The following TCP11L2 variants were observed in gnomAD, a reference collection of about 807,000 sequenced individuals.
The protein encoded by TCP11L2 is T-complex protein 11-like protein 2.
TCP11L2 carries 39 observed loss-of-function variants against 50.7 expected under a neutral mutation model. The ratio of observed to expected loss-of-function variants is 0.77; its 90% CI spans 0.60 to 1.01. The LOEUF (loss-of-function observed/expected upper bound fraction) is 1.01. Ranked by LOEUF, TCP11L2 falls within the 50% of genes least tolerant of loss-of-function variation. The probability of loss-of-function intolerance (pLI) is 0.00; values close to 1 mark genes in which losing one functional copy is unlikely to be tolerated. For synonymous variants in TCP11L2, 192 were observed against 219.3 expected, an observed-to-expected ratio of 0.88 and a Z score of 1.10; for missense variants, 612 against 614.7, an observed-to-expected ratio of 1.00 and a Z score of 0.05.
intron 2 of TCP11L2, among the ~76,000 whole-genome samples, chr12:106,314,011 C>T (rs1266036327): frequency 6.6e-6 from 1 of 152,120 alleles, no homozygotes; most frequent in Non-Finnish European, 1.5e-5. Context: ...CATGATCTAC[C>T]TGCCTCGGCC....
Position 106,311,084 on chromosome 12 carries a change from C to A in TCP11L2, c.9C>A (p.Phe3Leu). Residue 3 changes from phenylalanine (F) to leucine (L), a missense_variant, in exon 2 of 10, where the codon TTC becomes TTA. Transcript: ENST00000299045. ...CACTTAAGTGACGCAAAATGCCCTTCAATGGCGAGAAGCAGTGTGTGGGAG... is the reference window on the plus strand; with the variant it reads ...CACTTAAGTGACGCAAAATGCCCTTAAATGGCGAGAAGCAGTGTGTGGGAG... The part of the protein sequence containing the change: MP[F>L]NGEKQCVGED... 2 of 1,614,116 alleles carry A rather than the reference C, an allele frequency of 1.2e-6. No homozygotes were observed. Among genetic ancestry groups the A allele is most frequent in the Non-Finnish European group, 1.7e-6 (2 of 1,179,982 alleles).
In TCP11L2 at chr12:106,323,712, TTTAAATTAAA is replaced by T. The variant is rs140996881; in HGVS notation, c.772+91_772+100del. The T allele has an allele frequency of 3.3e-3, 1,536 of 458,512 alleles. 24 individuals are homozygous for T. The highest frequency in any genetic ancestry group is 0.027 in the African/African-American group (1,300 of 48,068). The allele number at this position is 458,512 out of a possible 1,614,324, so 28.4% of individuals were successfully genotyped here. A position where few individuals can be genotyped will look rare whatever the true frequency, so the allele number is the denominator to read the frequency against. Reference sequence around the variant, plus strand: ...AAAATGATGATTTTAAATGTTAAAATTTAAATTAAATTAAATTAAATTAAATTAAATTAAT... The same window carrying T: ...AAAATGATGATTTTAAATGTTAAAATTTAAATTAAATTAAATTAAATTAAT... On this transcript the variant is annotated intron_variant, in intron 6 of 9. Transcript: ENST00000299045.
In TCP11L2 at chr12:106,314,351, C is replaced by T; in HGVS notation, c.158-7C>T. The stretch of plus-strand genomic sequence containing the variant: ...GCAACATTAACTGGCTTTTGTTTTT[C>T]TTTCAGCAACAAGCCCTCCAAGGGT... On this transcript the variant is annotated splice_polypyrimidine_tract_variant and splice_region_variant and intron_variant, in intron 2 of 9. Transcript: ENST00000299045. The T allele has an allele frequency of 6.3e-7, 1 of 1,592,346 alleles. No individual in the cohort carries two copies.
chr12:106,299,378 G>A (rs1258405485), upstream of TCP11L2, among the ~76,000 whole-genome samples: 1 of 152,124 alleles, frequency 6.6e-6, no homozygotes, highest in Non-Finnish European at 1.5e-5. Context: ...TGGCACTTAG[G>A]GGCAGGAAGA....
intron 9 of TCP11L2, among the ~76,000 whole-genome samples, chr12:106,341,326 A>G (rs2036089357): frequency 6.6e-6 from 1 of 152,214 alleles, no homozygotes; most frequent in Admixed American, 6.5e-5. Flanking sequence ...CAGATAGTAG[A>G]TATGAGTTCT....
intron 4 of TCP11L2, 102 bp downstream of exon 4, chr12:106,318,566 T>C: frequency 1.4e-6 from 2 of 1,455,176 alleles, no homozygotes; most frequent in African/African-American, 1.4e-5. Flanking sequence ...AGAAATTTAC[T>C]TCTCACAGTA....
Position 106,310,981 on chromosome 12 carries a change from A to G in TCP11L2, c.-35-60A>G, listed in dbSNP as rs2034829974. ...GACAGTTGTCTACACTGGAAGAAGC[A>G]TTGGTGGTGCCTGTGGAAGTACCAC... is the stretch of plus-strand genomic sequence containing the variant. On this transcript the variant is annotated intron_variant, in intron 1 of 9. Coordinates refer to ENST00000299045, the MANE Select transcript of TCP11L2 (RefSeq NM_152772.3). 4 of 1,431,430 alleles carry G rather than the reference A, an allele frequency of 2.8e-6. No homozygotes were observed. In the South Asian group the frequency reaches 3.9e-5, roughly 14 times the overall value. The allele number at this position is 1,431,430 out of a possible 1,614,324, so 88.7% of individuals were successfully genotyped here. A position where few individuals can be genotyped will look rare whatever the true frequency, so the allele number is the denominator to read the frequency against.
chr12:106,334,668 C>T lies in TCP11L2; in HGVS notation c.773-971C>T, dbSNP rs762513885. Among the ~76,000 whole-genome samples, 11 of 152,256 alleles carry T rather than the reference C, an allele frequency of 7.2e-5. No homozygotes were observed. In the East Asian group the frequency reaches 1.9e-3, roughly 27 times the overall value. On this transcript the variant is annotated intron_variant, in intron 6 of 9. Coordinates refer to ENST00000299045, the MANE Select transcript of TCP11L2 (RefSeq NM_152772.3). ...TTGAAAATAATATTATTCAGCCGGG[C>T]GCAGTGGCTCACGCCTGTAATCCCA...
intron 1 of TCP11L2, among the ~76,000 whole-genome samples, chr12:106,307,729 A>C (rs1380697259): frequency 6.6e-6 from 1 of 152,188 alleles, no homozygotes; most frequent in African/African-American, 2.4e-5. Flanking sequence ...TATGTTAACT[A>C]CCAGCCTTGT....
chr12:106,341,626 G>A (rs1372311061), intron 9 of TCP11L2, among the ~76,000 whole-genome samples: 1 of 152,210 alleles, frequency 6.6e-6, no homozygotes, highest in Non-Finnish European at 1.5e-5. Flanking sequence ...TTCTGGTACA[G>A]CCTAATGAGA....
intron 9 of TCP11L2, among the ~76,000 whole-genome samples, chr12:106,345,571 C>G (rs1453485574): frequency 6.6e-6 from 1 of 152,158 alleles, no homozygotes; most frequent in Non-Finnish European, 1.5e-5. Context: ...TTTACAAACT[C>G]AGCTTTAGTG....
At chr12:106,339,016 A>C (rs1447201611) in intron 8 of TCP11L2, among the ~76,000 whole-genome samples, 1 of 152,152 alleles carries the variant, frequency 6.6e-6, no homozygotes, top group East Asian at 1.9e-4. Context: ...ATGGTGGCGC[A>C]TGCCTGTAGT....
At position 106,323,514 on chromosome 12, in the gene TCP11L2, A is replaced by G; in HGVS notation, c.640A>G (p.Ile214Val). ...TGNIVEVLRQ[I>V]FHVLDLMQMD... ...TTTTAATTCTAAAATTTTTAGACAA[A>G]TATTCCATGTCCTGGACCTCATGCA... is the stretch of plus-strand genomic sequence containing the variant. The change falls in exon 6 of 10, where the codon ATA becomes GTA. Residue 214 changes from isoleucine (I) to valine (V), a missense_variant. Ile to Val is a conservative substitution (Grantham distance 29, BLOSUM62 3). Transcript: ENST00000299045. 1 of 1,590,058 alleles carries G rather than the reference A, an allele frequency of 6.3e-7. No individual in the cohort carries two copies. The highest frequency in any genetic ancestry group is 8.6e-7 in the Non-Finnish European group (1 of 1,167,326).
intron 4 of TCP11L2, among the ~76,000 whole-genome samples, chr12:106,320,364 C>G (rs1374337022): frequency 6.6e-6 from 1 of 151,792 alleles, no homozygotes; most frequent in Admixed American, 6.6e-5. Context: ...CACCACTGCA[C>G]TCCGGCCTGG....
upstream of TCP11L2, among the ~76,000 whole-genome samples, chr12:106,302,311 GCCCCCGCTCCCCCCGCTC>G (rs2034438259): frequency 1.3e-5 from 1 of 76,516 alleles, no homozygotes; most frequent in African/African-American, 5.5e-5. Context: ...GCCCCGCTCA[GCCCCCGCTCCCCCCGCTC>G]AGCCCCCGCT....
chr12:106,333,411 T>C (rs1303300740), intron 6 of TCP11L2, among the ~76,000 whole-genome samples: 2 of 152,186 alleles, frequency 1.3e-5, no homozygotes, highest in Non-Finnish European at 2.9e-5. Flanking sequence ...TATGATTCCA[T>C]TTATATGAAT....
chr12:106,320,704 G>A (rs1411204483), intron 4 of TCP11L2, among the ~76,000 whole-genome samples: 1 of 152,172 alleles, frequency 6.6e-6, no homozygotes, highest in Non-Finnish European at 1.5e-5. Flanking sequence ...ACTAGAGTAA[G>A]CAAGCTGGAA....
At chr12:106,326,715 C>T (rs1481277929) in intron 6 of TCP11L2, among the ~76,000 whole-genome samples, 1 of 152,158 alleles carries the variant, frequency 6.6e-6, no homozygotes. Context: ...GTCTCTGACT[C>T]AAAGCGTGTG....
chr12:106,343,859 A>G (rs1472401580), intron 9 of TCP11L2, among the ~76,000 whole-genome samples: 1 of 151,598 alleles, frequency 6.6e-6, no homozygotes, highest in Non-Finnish European at 1.5e-5. Flanking sequence ...GGGTTCCACC[A>G]TATTGGCCAG....
Sources: gnomAD v4.1 joint callset for allele counts (sites outside exome capture counted in the v4.1 genomes callset) on GRCh38, gnomAD v4.1.1 for gene constraint, MANE v1.5 for transcripts, NCBI Gene and HGNC (gene_info 2026-07-23, HGNC 2026-07-21) for gene names.